EEF2: variants seen among roughly 807,000 people sequenced by gnomAD.
The protein encoded by EEF2 is elongation factor 2.
A neutral mutation model predicts 85.3 loss-of-function variants in EEF2; 21 were observed. That is an observed-to-expected ratio of 0.25 (90% CI 0.17 to 0.35). EEF2 has a LOEUF of 0.35. EEF2 is among the 10% of genes least tolerant of loss of function. The pLI is 1.00. For synonymous variants in EEF2, 723 were observed against 508.8 expected (o/e 1.42, Z -5.67); for missense variants, 825 against 1,225.3 (o/e 0.67, Z 4.88).
At position 3,976,494 on chromosome 19, in the gene EEF2, G is replaced by A. The variant is rs1225758950; in HGVS notation, c.*60C>T. ...CTCCAGGTGTCGTCTGAGAATTCGAGGACGTGGTGCTGTGGGTGCTGCGAG... is the reference window on the plus strand; with the variant it reads ...CTCCAGGTGTCGTCTGAGAATTCGAAGACGTGGTGCTGTGGGTGCTGCGAG... On this transcript the variant is annotated 3_prime_UTR_variant, in exon 15 of 15. Coordinates refer to ENST00000309311, the MANE Select transcript of EEF2 (RefSeq NM_001961.4). 14 of 1,542,100 alleles carry A rather than the reference G, an allele frequency of 9.1e-6. No homozygotes were observed. The highest frequency in any genetic ancestry group is 1.4e-5 in the African/African-American group (1 of 72,990).
At position 3,976,700 on chromosome 19, in the gene EEF2, G is replaced by T; in HGVS notation, c.2431C>A (p.Gln811Lys). ...RSNTGGQAFP[Q>K]CVFDHWQILP... ...ATCTGCCAGTGGTCAAACACACACTGGGGGAACGCCTGGCCGCCCGTGTTG... is the reference window on the plus strand; with the variant it reads ...ATCTGCCAGTGGTCAAACACACACTTGGGGAACGCCTGGCCGCCCGTGTTG... Residue 811 changes from glutamine to lysine, a missense_variant, in exon 15 of 15, where the codon CAG becomes AAG. Physicochemically the swap from Gln to Lys is moderately conservative, Grantham distance 53. Coordinates refer to ENST00000309311, the MANE Select transcript of EEF2 (RefSeq NM_001961.4). The T allele has an allele frequency of 6.2e-7, 1 of 1,606,092 alleles. No individual in the cohort carries two copies.
At chr19:3,980,093 G>A (rs1477289757) in intron 9 of EEF2, 27 bp from the exon 10 acceptor site, 10 of 1,603,596 alleles carry the variant, frequency 6.2e-6, no homozygotes, top group Non-Finnish European at 6.8e-6. Context: ...GCGGCAGCAG[G>A]CCGCAGGGAT....
chr19:3,981,024 G>A (rs775261503), intron 7 of EEF2, 45 bp from the exon 8 acceptor site: 75 of 1,545,098 alleles, frequency 4.9e-5, no homozygotes, highest in Admixed American at 1.6e-4. Flanking sequence ...GGGAGCCCAG[G>A]ATGGCCCCAC....
rs754609714 is a variant in EEF2, at chr19:3,983,306, G to A, written c.219-15C>T. 76 of 1,608,872 alleles carry A rather than the reference G, an allele frequency of 4.7e-5. No homozygotes were observed. Among genetic ancestry groups the A allele is most frequent in the African/African-American group, 2.8e-4 (21 of 74,736 alleles). On this transcript the variant is annotated splice_polypyrimidine_tract_variant and intron_variant, in intron 2 of 14. Coordinates refer to ENST00000309311, the MANE Select transcript of EEF2 (RefSeq NM_001961.4). ...GGGAGATGGCACTGATGGAGGGAGG[G>A]ACTCGTCAGGGGGACAGGAGCCACA...
At chr19:3,983,400 G>T in intron 2 of EEF2, 109 bp from the exon 3 acceptor site, 1 of 1,252,206 alleles carries the variant, frequency 8.0e-7, no homozygotes, top group Non-Finnish European at 1.1e-6. Context: ...CTCATCCCTG[G>T]AGAGGCTCCC....
intron 2 of EEF2, chr19:3,983,744 T>C: frequency 3.1e-6 from 1 of 318,732 alleles, no homozygotes; most frequent in Non-Finnish European, 6.0e-6. Context: ...GCGCTCCCCC[T>C]ACTCATATCG....
At chr19:3,983,720 G>T in intron 2 of EEF2, 1 of 293,456 alleles carries the variant, frequency 3.4e-6, no homozygotes, top group Non-Finnish European at 6.5e-6. Flanking sequence ...AAGCAGTTGG[G>T]GTCACCGTAC....
chr19:3,978,946 A>T (rs2039710645), intron 11 of EEF2, among the ~76,000 whole-genome samples: 1 of 151,932 alleles, frequency 6.6e-6, no homozygotes, highest in Non-Finnish European at 1.5e-5. Context: ...TAACACAGTG[A>T]AACCCCGCCT....
chr19:3,976,420 C>T lies in EEF2; in HGVS notation c.*134G>A. ...AGTGTTATGGTTGAGTGATGGCACG[C>T]AGCGGGCCCCAGAAACCTCTCAGGG... On this transcript the variant is annotated 3_prime_UTR_variant, in exon 15 of 15. Transcript: ENST00000309311. The T allele has an allele frequency of 1.1e-6, 1 of 940,896 alleles. No homozygotes were observed. The highest frequency in any genetic ancestry group is 1.6e-6 in the Non-Finnish European group (1 of 638,944). 58.3% of individuals were successfully genotyped at this position (940,896 alleles called of 1,614,324 possible). A position where few individuals can be genotyped will look rare whatever the true frequency, so the allele number is the denominator to read the frequency against.
chr19:3,982,513 A>C (rs774312265), intron 4 of EEF2, 89 bp from the exon 5 acceptor site: 2 of 1,513,262 alleles, frequency 1.3e-6, no homozygotes, highest in East Asian at 2.3e-5. Context: ...TGGGCCTCAG[A>C]CGCAGGCTTT....
At position 3,979,258 on chromosome 19, in the gene EEF2, C is replaced by G. The variant is rs201042965; in HGVS notation, c.1713+71G>C. On this transcript the variant is annotated intron_variant, in intron 11 of 14. Transcript: ENST00000309311. ...GTCTAGGCGTCTGCAGAGCCTAGCT[C>G]AGCTCAGCTTTAAAGCAGAGGGCAG... 402 of 1,241,354 alleles carry G rather than the reference C, an allele frequency of 3.2e-4. 5 individuals carry two copies. In the East Asian group the frequency reaches 7.7e-3, roughly 24 times the overall value. 76.9% of individuals were successfully genotyped at this position (1,241,354 alleles called of 1,614,324 possible).
intron 2 of EEF2, among the ~76,000 whole-genome samples, chr19:3,983,599 G>T (rs182768466): frequency 1.3e-5 from 2 of 152,084 alleles, no homozygotes; most frequent in Non-Finnish European, 2.9e-5. Flanking sequence ...CCAGCAGGAC[G>T]GCAAAAGCCT....
rs371537033 is a variant in EEF2 at position 3,976,306 on chromosome 19, C to A, written c.*248G>T. The A allele has an allele frequency of 3.6e-5, 15 of 411,628 alleles. No homozygotes were observed. Among genetic ancestry groups the A allele is most frequent in the African/African-American group, 2.0e-4 (9 of 45,854 alleles). The allele number at this position is 411,628 out of a possible 1,614,324, so 25.5% of individuals were successfully genotyped here. A position where few individuals can be genotyped will look rare whatever the true frequency, so the allele number is the denominator to read the frequency against. On this transcript the variant is annotated 3_prime_UTR_variant, in exon 15 of 15. Transcript: ENST00000309311. ...TGTTGGGTGTCCCATCCCGCCTCCCCCTCCCCGACCGGCCCATTAAGTCCC... is the reference window on the plus strand; with the variant it reads ...TGTTGGGTGTCCCATCCCGCCTCCCACTCCCCGACCGGCCCATTAAGTCCC...
chr19:3,981,324 G>A lies in EEF2; in HGVS notation c.1011+15C>T. ...CTGTGTTCCCTCCACCCCGAGGGCT[G>A]GGCCCAGGCCGCACCTTCAGCAGGG... On this transcript the variant is annotated intron_variant, in intron 7 of 14. Coordinates refer to ENST00000309311, the MANE Select transcript of EEF2 (RefSeq NM_001961.4). The A allele has an allele frequency of 1.9e-6, 3 of 1,612,200 alleles. No homozygotes were observed. Among genetic ancestry groups the A allele is most frequent in the Non-Finnish European group, 2.5e-6 (3 of 1,178,262 alleles).
intron 11 of EEF2, 45 bp downstream of exon 11, chr19:3,979,284 G>T: frequency 6.7e-7 from 1 of 1,496,140 alleles, no homozygotes; most frequent in Non-Finnish European, 9.3e-7. Flanking sequence ...CAGAGGGCAG[G>T]TGTCCGGGGT....
chr19:3,985,207 G>C, intron 1 of EEF2, 171 bp downstream of exon 1: 1 of 674,670 alleles, frequency 1.5e-6, no homozygotes, highest in Non-Finnish European at 2.2e-6. Flanking sequence ...TCGGTGAACA[G>C]CGCGGCGCAC....
Position 3,976,686 on chromosome 19 carries a change from G to A in EEF2, c.2445C>T (p.Asp815=). The A allele has an allele frequency of 6.2e-7, 1 of 1,608,488 alleles. No individual in the cohort carries two copies. Among genetic ancestry groups the A allele is most frequent in the Non-Finnish European group, 8.5e-7 (1 of 1,178,854 alleles). Residue 815 remains aspartate, a synonymous_variant, in exon 15 of 15, where the codon GAC becomes GAT. Transcript: ENST00000309311. ...GGQAFPQCVF[D]HWQILPGDPF... ...GGTCTCCGGGCAGGATCTGCCAGTGGTCAAACACACACTGGGGGAACGCCT... is the reference window on the plus strand; with the variant it reads ...GGTCTCCGGGCAGGATCTGCCAGTGATCAAACACACACTGGGGGAACGCCT...
chr19:3,981,204 C>T, intron 7 of EEF2, 135 bp downstream of exon 7: 1 of 1,074,070 alleles, frequency 9.3e-7, no homozygotes. Context: ...CCAGCAGCAC[C>T]CAGAGTCTAA....
In EEF2 at chr19:3,981,937, C is replaced by G; in HGVS notation, c.897+10G>C. 6.2e-7 allele frequency: 1 copy of G among 1,612,984 alleles called. No individual in the cohort carries two copies. On this transcript the variant is annotated intron_variant, in intron 6 of 14. Transcript: ENST00000309311. The stretch of plus-strand genomic sequence containing the variant: ...GCATCGGCGGGGTGCCTGGCGCAGC[C>G]CTCACTCACCTTGAAGATGGGGTCC...
Sources: gnomAD v4.1 joint callset for allele counts (sites outside exome capture counted in the v4.1 genomes callset) on GRCh38, gnomAD v4.1.1 for gene constraint, MANE v1.5 for transcripts, NCBI Gene and HGNC (gene_info 2026-07-23, HGNC 2026-07-21) for gene names.